Variants in ERAP1 observed in about 807,000 individuals in gnomAD.
ERAP1 encodes endoplasmic reticulum aminopeptidase 1, also known as adipocyte-derived leucine aminopeptidase.
ERAP1 carries 86 observed loss-of-function variants against 103.7 expected under a neutral mutation model. The ratio of observed to expected loss-of-function variants is 0.83; its 90% confidence interval spans 0.70 to 0.99. The LOEUF (loss-of-function observed/expected upper bound fraction) is 0.99, where lower values mean the gene tolerates loss of function less well. Ranked by LOEUF, ERAP1 falls within the 50% of genes least tolerant of loss-of-function variation. The probability of loss-of-function intolerance (pLI) is 0.00; values close to 1 mark genes in which losing one functional copy is unlikely to be tolerated. For synonymous variants in ERAP1, 398 were observed against 402.4 expected (o/e 0.99, Z 0.13); for missense variants, 1,009 against 1,128.4 (o/e 0.89, Z 1.52).
the ERAP1 span, chr5:96,880,083 C>G: frequency 6.2e-6 from 10 of 1,614,090 alleles, no homozygotes; most frequent in East Asian, 2.2e-5. Flanking sequence ...TACATGAAAC[C>G]AGGAAAAGAA....
chr5:96,915,904 A>T, the ERAP1 span: 2 of 620,956 alleles, frequency 3.2e-6, no homozygotes, highest in East Asian at 6.3e-5. Context: ...GCCATATAGC[A>T]AGTAAATGGA....
chr5:96,820,630 A>C, the ERAP1 span, among the ~76,000 whole-genome samples: 1 of 151,962 alleles, frequency 6.6e-6, no homozygotes, highest in Non-Finnish European at 1.5e-5. Flanking sequence ...ATTTTCTTTC[A>C]TTTGTCTTTT....
chr5:96,766,171 G>A (rs368978124), intron 19 of ERAP1: 51 of 1,244,294 alleles, frequency 4.1e-5, no homozygotes, highest in Admixed American at 2.6e-4. Context: ...TTGCTAGATC[G>A]GATTTATGCT....
chr5:96,839,472 T>C, the ERAP1 span, among the ~76,000 whole-genome samples: 1 of 152,238 alleles, frequency 6.6e-6, no homozygotes, highest in South Asian at 2.1e-4. Context: ...GACACTCCTT[T>C]CTAATTACTC....
chr5:96,775,201 T>A lies in ERAP1; in HGVS notation c.*1195A>T. 5.1e-6 allele frequency: 5 copies of A among 985,562 alleles called. No individual in the cohort carries two copies. Among genetic ancestry groups the A allele is most frequent in the Non-Finnish European group, 6.0e-6 (5 of 829,924 alleles). The allele number at this position is 985,562 out of a possible 1,614,324, so 61.1% of individuals were successfully genotyped here. On this transcript the variant is annotated 3_prime_UTR_variant, in exon 19 of 19. Transcript: ENST00000443439. ...TAGTAAACTGTGCTTTCTATTATTA[T>A]CATCTATACATAAAACCTGAGCAGC...
At chr5:96,887,825 C>T in the ERAP1 span, among the ~76,000 whole-genome samples, 1 of 152,092 alleles carries the variant, frequency 6.6e-6, no homozygotes, top group Non-Finnish European at 1.5e-5. Context: ...TAAAATAATG[C>T]TTTTGAAAAA....
chr5:96,778,442 G>A (rs543467235), intron 18 of ERAP1, among the ~76,000 whole-genome samples: 42 of 152,290 alleles, frequency 2.8e-4, no homozygotes, highest in African/African-American at 9.4e-4. Context: ...CAGGCAGAGA[G>A]AATAAAAAGT....
intron 18 of ERAP1, 97 bp downstream of exon 18, chr5:96,780,326 T>C: frequency 5.7e-6 from 5 of 876,620 alleles, no homozygotes; most frequent in Non-Finnish European, 8.4e-6. Context: ...AATCCATTTC[T>C]AACTCACCAC....
At chr5:96,869,157 A>G in the ERAP1 span, among the ~76,000 whole-genome samples, 1 of 151,660 alleles carries the variant, frequency 6.6e-6, no homozygotes, top group Non-Finnish European at 1.5e-5. Flanking sequence ...TTTAAAATGC[A>G]TAGCTAGGGT....
chr5:96,772,806 G>C (rs904828344), downstream of ERAP1: 1 of 152,806 alleles, frequency 6.5e-6, no homozygotes, highest in African/African-American at 2.4e-5. Context: ...AAATGAATTT[G>C]ACTGGTTCAC....
At chr5:96,866,317 TTTTGGTCTGTG>T in the ERAP1 span, among the ~76,000 whole-genome samples, 2 of 152,218 alleles carry the variant, frequency 1.3e-5, no homozygotes, top group African/African-American at 4.8e-5. Flanking sequence ...GCATCCCATA[TTTTGGTCTGTG>T]ACTCTTGCCT....
At chr5:96,849,613 A>G in the ERAP1 span, among the ~76,000 whole-genome samples, 1 of 152,222 alleles carries the variant, frequency 6.6e-6, no homozygotes, top group Non-Finnish European at 1.5e-5. Context: ...TAAAGAGGAC[A>G]CAAATAAATG....
Position 96,774,873 on chromosome 5 carries a change from C to CTATT in ERAP1, c.*1519_*1522dup. 6.1e-6 allele frequency: 6 copies of CTATT among 985,346 alleles called. No individual in the cohort carries two copies. The highest frequency in any genetic ancestry group is 7.2e-6 in the Non-Finnish European group (6 of 829,812). The allele number at this position is 985,346 out of a possible 1,614,324, so 61.0% of individuals were successfully genotyped here. A position where few individuals can be genotyped will look rare whatever the true frequency, so the allele number is the denominator to read the frequency against. On this transcript the variant is annotated 3_prime_UTR_variant, in exon 19 of 19. Coordinates refer to ENST00000443439, the MANE Select transcript of ERAP1 (RefSeq NM_001040458.3). ...GGCAGATTTATGTCCAGAAGTCACT[C>CTATT]TATTTTGTCGTGTATTAGGGGAACA...
chr5:96,793,496 G>T lies in ERAP1; in HGVS notation c.1092C>A (p.Val364=), dbSNP rs1235944521. 1 of 1,613,546 alleles carries T rather than the reference G, an allele frequency of 6.2e-7. No homozygotes were observed. The highest frequency in any genetic ancestry group is 1.1e-5 in the South Asian group (1 of 91,052). ...AAAGATCATTCCACCATTCCATAGT[G>T]ACCAGGTTCCCAAACCACTAAAAGC... ...ELAHQWFGNL[V]TMEWWNDLWL... The change falls in exon 7 of 19, where the codon GTC becomes GTA. Residue 364 remains valine (V), a synonymous_variant. Transcript: ENST00000443439.
At chr5:96,906,330 G>A in the ERAP1 span, among the ~76,000 whole-genome samples, 2 of 151,920 alleles carry the variant, frequency 1.3e-5, no homozygotes, top group Admixed American at 1.3e-4. Flanking sequence ...GCAGTGGTGC[G>A]ATCATGGCTC....
At chr5:96,920,269 C>T in the ERAP1 span, among the ~76,000 whole-genome samples, 424 of 151,200 alleles carry the variant, frequency 2.8e-3, 2 homozygotes, top group Non-Finnish European at 4.6e-3. Context: ...CATGCCACTG[C>T]ACTCCAGCCT....
the ERAP1 span, among the ~76,000 whole-genome samples, chr5:96,838,810 A>AACACACAC: frequency 2.7e-5 from 4 of 150,196 alleles, no homozygotes; most frequent in Admixed American, 2.7e-4. Context: ...ACTTGTCTCT[A>AACACACAC]ACACACACAC....
chr5:96,871,873 A>G, the ERAP1 span, among the ~76,000 whole-genome samples: 3 of 152,316 alleles, frequency 2.0e-5, no homozygotes, highest in African/African-American at 7.2e-5. Flanking sequence ...TTCTGAGAAT[A>G]CATGTTTTCA....
At chr5:96,856,616 C>T in the ERAP1 span, among the ~76,000 whole-genome samples, 1 of 151,880 alleles carries the variant, frequency 6.6e-6, no homozygotes, top group Non-Finnish European at 1.5e-5. Context: ...ATCAATTCTC[C>T]TGCTGTTTCT....
Sources: allele counts gnomAD v4.1 joint callset (sites outside exome capture counted in the v4.1 genomes callset), GRCh38; gene constraint gnomAD v4.1.1; transcripts MANE v1.5; gene names NCBI Gene and HGNC (gene_info 2026-07-23, HGNC 2026-07-21).